Variants in SLC6A20 observed in about 807,000 individuals in gnomAD.
The protein encoded by SLC6A20 is solute carrier family 6 member 20.
Under a neutral mutation model 64.3 loss-of-function variants are expected in SLC6A20, and 73 were observed. The observed-to-expected ratio is 1.14, with a 90% CI of 0.94 to 1.38. SLC6A20 has a LOEUF of 1.38. Ranked by LOEUF, SLC6A20 falls within the 40% of genes most tolerant of loss-of-function variation. The probability of loss-of-function intolerance (pLI) is 0.00; values close to 1 mark genes in which losing one functional copy is unlikely to be tolerated. For synonymous variants in SLC6A20, 347 were observed against 329.6 expected (o/e 1.05, Z -0.57); for missense variants, 725 against 772.8 (o/e 0.94, Z 0.73).
In SLC6A20 at chr3:45,778,116, G is replaced by A. The variant is rs527892903; in HGVS notation, c.354+1893C>T. ...GGTGAGGACAAGGATCCCCGCATTT[G>A]TGTGCATAACAGCCCAGGTGCTCCT... On this transcript the variant is annotated intron_variant, in intron 3 of 10. Transcript: ENST00000358525. Among the ~76,000 whole-genome samples the A allele has an allele frequency of 4.6e-5, 7 of 152,336 alleles. No homozygotes were observed. The South Asian group carries it at 1.2e-3, about 27-fold the overall frequency.
intron 1 of SLC6A20, among the ~76,000 whole-genome samples, chr3:45,789,027 A>T (rs1488032081): frequency 6.6e-6 from 1 of 152,224 alleles, no homozygotes; most frequent in African/African-American, 2.4e-5. Flanking sequence ...AGAGTAAAAT[A>T]ATCATCATAA....
rs1427410804 is a variant in SLC6A20 at position 45,755,543 on chromosome 3, CTA to C, written c.*3433_*3434del. On this transcript the variant is annotated 3_prime_UTR_variant, in exon 11 of 11. Transcript: ENST00000358525. ...TTTCTTGGAGCTAAATCAAGGTTTG[CTA>C]TGTTTCCAGTAAAAACAGAAAGCTT... The C allele has an allele frequency of 6.6e-6, 1 of 152,600 alleles. No individual in the cohort carries two copies. Among genetic ancestry groups the C allele is most frequent in the Non-Finnish European group, 1.5e-5 (1 of 68,034 alleles). 9.5% of individuals were successfully genotyped at this position (152,600 alleles called of 1,614,324 possible).
intron 1 of SLC6A20, among the ~76,000 whole-genome samples, chr3:45,795,921 T>C (rs1268007620): frequency 6.6e-6 from 1 of 152,122 alleles, no homozygotes; most frequent in Admixed American, 6.5e-5. Flanking sequence ...TAAGACAATT[T>C]CCTACTCACT....
At chr3:45,771,603 CTCT>C in intron 5 of SLC6A20, 145 bp from the exon 6 acceptor site, 1 of 1,282,492 alleles carries the variant, frequency 7.8e-7, no homozygotes, top group Non-Finnish European at 1.1e-6. Context: ...TGGAGACCAG[CTCT>C]CCTGGCCCCA....
At chr3:45,791,708 A>G in intron 1 of SLC6A20, 1 of 158,504 alleles carries the variant, frequency 6.3e-6, no homozygotes, top group South Asian at 1.9e-4. Flanking sequence ...GGTGAAGGGG[A>G]AGTAGGCACG....
intron 8 of SLC6A20, among the ~76,000 whole-genome samples, chr3:45,764,107 G>A: frequency 6.6e-6 from 1 of 152,212 alleles, no homozygotes; most frequent in Non-Finnish European, 1.5e-5. Context: ...CAGAGACGGA[G>A]TAGTGTAGGC....
At position 45,765,429 on chromosome 3, in the gene SLC6A20, C is replaced by T. The variant is rs1699758023; in HGVS notation, c.1303+108G>A. 1 of 1,263,398 alleles carries T rather than the reference C, an allele frequency of 7.9e-7. No individual in the cohort carries two copies. Among genetic ancestry groups the T allele is most frequent in the South Asian group, 1.4e-5 (1 of 70,514 alleles). 78.3% of individuals were successfully genotyped at this position (1,263,398 alleles called of 1,614,324 possible). A position where few individuals can be genotyped will look rare whatever the true frequency, so the allele number is the denominator to read the frequency against. ...ACCGTGGTGAGGTGGCTGCAACCCC[C>T]TGTAGCCACCTGAACCAGCCCATGA... On this transcript the variant is annotated intron_variant, in intron 8 of 10. Coordinates refer to ENST00000358525, the MANE Select transcript of SLC6A20 (RefSeq NM_020208.4). This position sits in a 1 kb window ranked among gnomAD's most constrained non-coding sequence, Gnocchi z 4.2.
intron 3 of SLC6A20, 26 bp from the exon 4 acceptor site, chr3:45,776,014 C>G (rs779611136): frequency 4.2e-5 from 67 of 1,610,030 alleles, no homozygotes; most frequent in Non-Finnish European, 5.4e-5. Context: ...AAGTGTTATC[C>G]AGGGAGGTGA....
At chr3:45,787,326 C>T (rs1324295935) in intron 1 of SLC6A20, among the ~76,000 whole-genome samples, 4 of 152,144 alleles carry the variant, frequency 2.6e-5, no homozygotes, top group Non-Finnish European at 5.9e-5. Context: ...AGTGCTCTGC[C>T]CAGACTTGGC....
Position 45,756,787 on chromosome 3 carries a change from T to G in SLC6A20, c.*2191A>C, listed in dbSNP as rs536586181. On this transcript the variant is annotated 3_prime_UTR_variant, in exon 11 of 11. Transcript: ENST00000358525. ...TATTGCAGTTAAAAAAAGAAAAATTTTTTTGAGAAAAGAAATAAGACACAG... is the reference window on the plus strand; with the variant it reads ...TATTGCAGTTAAAAAAAGAAAAATTGTTTTGAGAAAAGAAATAAGACACAG... The G allele has an allele frequency of 2.0e-5, 3 of 152,234 alleles. No individual in the cohort carries two copies. The East Asian group carries it at 5.8e-4, about 29-fold the overall frequency. The allele number at this position is 152,234 out of a possible 1,614,324, so 9.4% of individuals were successfully genotyped here.
chr3:45,758,646 G>C lies in SLC6A20; in HGVS notation c.*332C>G, dbSNP rs982774287. On this transcript the variant is annotated 3_prime_UTR_variant, in exon 11 of 11. Transcript: ENST00000358525. ...CAAAAACAAAAATTGCTTAAATTTG[G>C]TCCCATAAGAATTATAGTCATATTT... 1 of 1,140,466 alleles carries C rather than the reference G, an allele frequency of 8.8e-7. No homozygotes were observed. The highest frequency in any genetic ancestry group is 1.6e-5 in the African/African-American group (1 of 60,770). The allele number at this position is 1,140,466 out of a possible 1,614,324, so 70.6% of individuals were successfully genotyped here.
At chr3:45,794,289 T>A (rs1267584579) in intron 1 of SLC6A20, among the ~76,000 whole-genome samples, 2 of 152,082 alleles carry the variant, frequency 1.3e-5, no homozygotes, top group African/African-American at 2.4e-5. Context: ...TGGCAGGAAA[T>A]GAGGTGGAAA....
rs1699755245 is a variant in SLC6A20 at position 45,765,266 on chromosome 3, T to C, written c.1303+271A>G. 6.6e-6 allele frequency among the ~76,000 whole-genome samples: 1 copy of C among 152,120 alleles called. No individual in the cohort carries two copies. Among genetic ancestry groups the C allele is most frequent in the Non-Finnish European group, 1.5e-5 (1 of 68,010 alleles). ...TGAACAGAAACAAAATCGAGTTCTC[T>C]CCTAGCCTGGAGAACTTTGAATGTC... On this transcript the variant is annotated intron_variant, in intron 8 of 10. Coordinates refer to ENST00000358525, the MANE Select transcript of SLC6A20 (RefSeq NM_020208.4). This position sits in a 1 kb window ranked among gnomAD's most constrained non-coding sequence, Gnocchi z 4.2.
At position 45,772,551 on chromosome 3, in the gene SLC6A20, G is replaced by T. The variant is rs777020355; in HGVS notation, c.647C>A (p.Thr216Lys). 9.9e-6 allele frequency: 16 copies of T among 1,613,840 alleles called. No homozygotes were observed. Among genetic ancestry groups the T allele is most frequent in the African/African-American group, 2.7e-5 (2 of 74,922 alleles). The change falls in exon 5 of 11, where the codon ACG becomes AAG. Residue 216 changes from threonine to lysine, a missense_variant. By Grantham distance (78) the Thr-to-Lys change is moderately conservative. Coordinates refer to ENST00000358525, the MANE Select transcript of SLC6A20 (RefSeq NM_020208.4). The part of the protein sequence containing the change: ...VLIIYLIRGL[T>K]LHGATNGLMY... ...GAGGCCATTGGTGGCTCCGTGGAGC[G>T]TGAGGCCCCTGATGAGGTAGATGAT...
In SLC6A20 at chr3:45,759,850, T is replaced by A; in HGVS notation, c.1629+7A>T. 4.3e-6 allele frequency: 7 copies of A among 1,611,172 alleles called. No individual in the cohort carries two copies. Among genetic ancestry groups the A allele is most frequent in the Non-Finnish European group, 5.9e-6 (7 of 1,178,776 alleles). On this transcript the variant is annotated splice_region_variant and intron_variant, in intron 10 of 10. Transcript: ENST00000358525. The stretch of plus-strand genomic sequence containing the variant: ...CCCAGCGCCAGCCCTACGGAGACAG[T>A]AGATACCTGGGAGGCGTCCCAGGCT...
At position 45,759,047 on chromosome 3, in the gene SLC6A20, G is replaced by A. The variant is rs772524286; in HGVS notation, c.1710C>T (p.Ile570=). The change falls in exon 11 of 11, where the codon ATC becomes ATT. Residue 570 remains isoleucine, a synonymous_variant. Transcript: ENST00000358525. ...GLLVASSTMC[I]PLAALGTFVQ... The stretch of plus-strand genomic sequence containing the variant: ...CAAAAGTCCCCAGGGCCGCCAGGGG[G>A]ATGCACATGGTGGAGGAGGCCACAA... The A allele has an allele frequency of 1.2e-6, 2 of 1,612,780 alleles. No homozygotes were observed. The highest frequency in any genetic ancestry group is 3.3e-5 in the Admixed American group (2 of 59,888).
In SLC6A20 at chr3:45,758,730, T is replaced by C. The variant is rs1346264518; in HGVS notation, c.*248A>G. ...CTGGAATGAAGGATGCAGTTATCTT[T>C]GAGACCGGCTTTCATAGCCCACCCC... On this transcript the variant is annotated 3_prime_UTR_variant, in exon 11 of 11. Transcript: ENST00000358525. 5.5e-6 allele frequency: 7 copies of C among 1,278,206 alleles called. No homozygotes were observed. Among genetic ancestry groups the C allele is most frequent in the Admixed American group, 3.9e-5 (1 of 25,470 alleles). The allele number at this position is 1,278,206 out of a possible 1,614,324, so 79.2% of individuals were successfully genotyped here.
chr3:45,763,160 C>A, intron 8 of SLC6A20, 88 bp from the exon 9 acceptor site: 2 of 1,558,426 alleles, frequency 1.3e-6, no homozygotes, highest in South Asian at 1.2e-5. Context: ...GGTCGTCGGC[C>A]CTCAGGGAAT....
chr3:45,780,732 GC>G lies in SLC6A20; in HGVS notation c.263-633del, dbSNP rs1356340108. Among the ~76,000 whole-genome samples the G allele has an allele frequency of 2.0e-5, 3 of 152,266 alleles. No individual in the cohort carries two copies. The East Asian group carries it at 5.8e-4, about 29-fold the overall frequency. ...AGGGCTCTGGGGCTGGCCCACACCA[GC>G]CCTTGAGAACCAGCGTCCCCTCCTC... On this transcript the variant is annotated intron_variant, in intron 2 of 10. Coordinates refer to ENST00000358525, the MANE Select transcript of SLC6A20 (RefSeq NM_020208.4).
Sources: allele counts gnomAD v4.1 joint callset (sites outside exome capture counted in the v4.1 genomes callset), GRCh38; gene constraint gnomAD v4.1.1; non-coding constraint Gnocchi (gnomAD v3.1); transcripts MANE v1.5; gene names NCBI Gene and HGNC (gene_info 2026-07-23, HGNC 2026-07-21).